TGFBR3: variants seen among roughly 807,000 people sequenced by gnomAD.
TGFBR3 encodes the protein transforming growth factor beta receptor type 3.
A neutral mutation model predicts 87.9 loss-of-function variants in TGFBR3; 46 were observed. The ratio of observed to expected loss-of-function variants is 0.52; its 90% CI spans 0.41 to 0.67. The LOEUF is 0.67. Ranked by LOEUF, TGFBR3 falls within the 30% of genes least tolerant of loss-of-function variation. The pLI is 0.00. For missense variants in TGFBR3, 866 were observed against 1,041.9 expected (o/e 0.83, Z 2.32); for synonymous variants, 381 against 391.6 (o/e 0.97, Z 0.32).
At chr1:91,774,326 G>A (rs1424341698) in intron 3 of TGFBR3, among the ~76,000 whole-genome samples, 1 of 151,904 alleles carries the variant, frequency 6.6e-6, no homozygotes, top group Non-Finnish European at 1.5e-5. Flanking sequence ...TAGTAGAGAT[G>A]GGGTTTCACT....
At chr1:91,834,390 T>A (rs1676981554) in intron 2 of TGFBR3, among the ~76,000 whole-genome samples, 1 of 152,234 alleles carries the variant, frequency 6.6e-6, no homozygotes, top group African/African-American at 2.4e-5. Flanking sequence ...TCATTTCCTA[T>A]CCTCTGACAG....
chr1:91,878,020 G>A (rs1372907088), intron 1 of TGFBR3, among the ~76,000 whole-genome samples: 1 of 152,220 alleles, frequency 6.6e-6, no homozygotes, highest in Non-Finnish European at 1.5e-5. Context: ...GATGCAAAAT[G>A]TATGTAATGA....
intron 16 of TGFBR3, among the ~76,000 whole-genome samples, chr1:91,685,736 T>C (rs776830040): frequency 9.2e-5 from 14 of 152,194 alleles, no homozygotes; most frequent in Non-Finnish European, 1.8e-4. Flanking sequence ...TCCATGGCAA[T>C]AACTTTCTGC....
chr1:91,779,229 T>C (rs1215443404), intron 3 of TGFBR3, among the ~76,000 whole-genome samples: 1 of 152,178 alleles, frequency 6.6e-6, no homozygotes, highest in Admixed American at 6.5e-5. Flanking sequence ...TAGATCTTAA[T>C]TGCTAACAAT....
intron 1 of TGFBR3, among the ~76,000 whole-genome samples, chr1:91,871,042 CAA>C (rs58335918): frequency 4.6e-4 from 60 of 129,954 alleles, no homozygotes; most frequent in Non-Finnish European, 4.7e-4. Flanking sequence ...GCTCTGTCAC[CAA>C]AAAAAAAAAA....
In TGFBR3 at chr1:91,870,008, A is replaced by G. The variant is rs1678526503; in HGVS notation, c.-113-8364T>C. Among the ~76,000 whole-genome samples, 3 of 152,358 alleles carry G rather than the reference A, an allele frequency of 2.0e-5. No homozygotes were observed. The South Asian group carries it at 6.2e-4, about 32-fold the overall frequency. On this transcript the variant is annotated intron_variant, in intron 1 of 16. Transcript: ENST00000212355. ...AGCAGGAATAACTTCACAAAACAGAAAAGTGTTATCCAAGAAAAATATTCA... is the reference window on the plus strand; with the variant it reads ...AGCAGGAATAACTTCACAAAACAGAGAAGTGTTATCCAAGAAAAATATTCA...
chr1:91,871,163 T>C (rs1428941050), intron 1 of TGFBR3, among the ~76,000 whole-genome samples: 1 of 152,042 alleles, frequency 6.6e-6, no homozygotes, highest in African/African-American at 2.4e-5. Context: ...AAACAAGAGA[T>C]CCTCCAGAAA....
At chr1:91,820,412 G>A (rs565602646) in intron 2 of TGFBR3, among the ~76,000 whole-genome samples, 5 of 152,146 alleles carry the variant, frequency 3.3e-5, no homozygotes, top group East Asian at 3.9e-4. Context: ...AGCCGGGCAC[G>A]GTGGCTCACA....
upstream of TGFBR3, chr1:91,886,284 G>T: frequency 2.4e-6 from 1 of 413,700 alleles, no homozygotes; most frequent in Non-Finnish European, 4.8e-6. Flanking sequence ...GCTCTCGGCC[G>T]CCCAGAAACT....
chr1:91,702,303 T>A (rs1348096831), intron 14 of TGFBR3, among the ~76,000 whole-genome samples: 2 of 152,150 alleles, frequency 1.3e-5, no homozygotes, highest in African/African-American at 4.8e-5. Flanking sequence ...TATTCTTGAG[T>A]ACTTTCCCCA....
intron 3 of TGFBR3, among the ~76,000 whole-genome samples, chr1:91,781,488 C>G (rs1028736770): frequency 7.9e-5 from 12 of 152,152 alleles, no homozygotes; most frequent in African/African-American, 2.7e-4. Context: ...AAATCCCTAA[C>G]CCACAGTTCT....
At chr1:91,717,352 C>G (rs1421087407) in intron 10 of TGFBR3, among the ~76,000 whole-genome samples, 2 of 152,212 alleles carry the variant, frequency 1.3e-5, no homozygotes, top group African/African-American at 4.8e-5. Context: ...CCTAAGAAAT[C>G]TTTCTCTATG....
At chr1:91,737,534 C>T (rs1673006854) in intron 4 of TGFBR3, among the ~76,000 whole-genome samples, 1 of 152,098 alleles carries the variant, frequency 6.6e-6, no homozygotes, top group Admixed American at 6.5e-5. Context: ...CTGGCCTCTG[C>T]TTGCACCCTT....
chr1:91,891,632 C>T (rs1679450343), intron 2 of TGFBR3, among the ~76,000 whole-genome samples: 1 of 152,122 alleles, frequency 6.6e-6, no homozygotes, highest in Non-Finnish European at 1.5e-5. Flanking sequence ...TTGTCTAATA[C>T]AGCCAACAGC....
At chr1:91,691,352 C>T (rs2100703290) in intron 16 of TGFBR3, among the ~76,000 whole-genome samples, 1 of 152,222 alleles carries the variant, frequency 6.6e-6, no homozygotes, top group South Asian at 2.1e-4. Context: ...CAAGAGATAT[C>T]ATTGTAAAAT....
At chr1:91,846,063 G>A (rs902386141) in intron 2 of TGFBR3, among the ~76,000 whole-genome samples, 7 of 152,132 alleles carry the variant, frequency 4.6e-5, no homozygotes, top group African/African-American at 1.7e-4. Flanking sequence ...GTCCATATGA[G>A]CTCCCTCACG....
At chr1:91,905,040 T>G (rs1224474064) in intron 1 of TGFBR3, among the ~76,000 whole-genome samples, 2 of 152,090 alleles carry the variant, frequency 1.3e-5, no homozygotes, top group Non-Finnish European at 2.9e-5. Flanking sequence ...ACACCTACCT[T>G]TTAGGATTTC....
At chr1:91,885,310 G>A (rs934177837) in intron 1 of TGFBR3, among the ~76,000 whole-genome samples, 10 of 143,870 alleles carry the variant, frequency 7.0e-5, no homozygotes, top group Non-Finnish European at 1.0e-4. Flanking sequence ...AGATTTCCAA[G>A]TTTGTCCTAA....
Position 91,737,610 on chromosome 1 carries a change from A to G in TGFBR3, c.385-2651T>C, listed in dbSNP as rs533580744. ...CTGTTCTGTTAGATTCATTTTTTAT[A>G]CACTAGTCTGAGCCATGCCTACTAG... is the stretch of plus-strand genomic sequence containing the variant. On this transcript the variant is annotated intron_variant, in intron 4 of 16. Coordinates refer to ENST00000212355, the MANE Select transcript of TGFBR3 (RefSeq NM_003243.5). Among the ~76,000 whole-genome samples, 33 of 152,190 alleles carry G rather than the reference A, an allele frequency of 2.2e-4. No homozygotes were observed. The South Asian group carries it at 6.6e-3, about 31-fold the overall frequency.
Sources: gnomAD v4.1 joint callset for allele counts (sites outside exome capture counted in the v4.1 genomes callset) on GRCh38, gnomAD v4.1.1 for gene constraint, MANE v1.5 for transcripts, NCBI Gene and HGNC (gene_info 2026-07-23, HGNC 2026-07-21) for gene names.